Variants in EIF4G3 observed in about 807,000 individuals in gnomAD.
EIF4G3 encodes the protein eIF-4-gamma 3.
Under a neutral mutation model 186.4 loss-of-function variants are expected in EIF4G3, and 34 were observed. The observed-to-expected ratio is 0.18, with a 90% confidence interval of 0.14 to 0.24. The LOEUF is 0.24. Ranked by LOEUF, EIF4G3 falls within the 10% of genes least tolerant of loss-of-function variation. The pLI, the probability that EIF4G3 is intolerant of heterozygous loss-of-function variation, is 1.00. For missense variants in EIF4G3, 1,536 were observed against 1,948.5 expected (o/e 0.79, Z 3.99); for synonymous variants, 673 against 679.5 (o/e 0.99, Z 0.15).
At chr1:20,952,306 C>T (rs1473584152) in intron 12 of EIF4G3, among the ~76,000 whole-genome samples, 2 of 151,992 alleles carry the variant, frequency 1.3e-5, no homozygotes, top group African/African-American at 4.8e-5. Context: ...AGGTGTGCGC[C>T]ACCACACCCA....
chr1:21,009,422 C>A (rs2086296175), intron 4 of EIF4G3, among the ~76,000 whole-genome samples: 1 of 152,122 alleles, frequency 6.6e-6, no homozygotes, highest in South Asian at 2.1e-4. Flanking sequence ...TTCTAGCAAT[C>A]CTCCTGCCTC....
At chr1:20,957,406 T>C (rs2096457816) in intron 12 of EIF4G3, among the ~76,000 whole-genome samples, 1 of 151,674 alleles carries the variant, frequency 6.6e-6, no homozygotes, top group Admixed American at 6.6e-5. Context: ...GAGCAAAGTT[T>C]ACAGCACTAA....
chr1:20,829,242 G>A lies in EIF4G3; in HGVS notation c.4092C>T (p.Asp1364=). 1 of 1,613,816 alleles carries A rather than the reference G, an allele frequency of 6.2e-7. No homozygotes were observed. The highest frequency in any genetic ancestry group is 8.5e-7 in the Non-Finnish European group (1 of 1,179,860). ...AAATATGGGGAATATCAATGGCCAT[G>A]TCATCTGCCAATTCCAAAGTTTCTG... ...GFSETLELAD[D]MAIDIPHIWL... is the part of the protein sequence containing the mutation. The change falls in exon 31 of 37, where the codon GAC becomes GAT. Residue 1364 remains aspartate (D), a synonymous_variant. Transcript: ENST00000602326.
intron 2 of EIF4G3, among the ~76,000 whole-genome samples, chr1:21,163,506 G>A (rs988203897): frequency 4.6e-5 from 7 of 152,176 alleles, no homozygotes; most frequent in African/African-American, 1.7e-4. Flanking sequence ...TTGAGTAAGA[G>A]CTAAGCTGGA....
chr1:20,814,929 C>G (rs969367444), intron 34 of EIF4G3, among the ~76,000 whole-genome samples: 19 of 101,322 alleles, frequency 1.9e-4, no homozygotes, highest in African/African-American at 6.9e-4. Flanking sequence ...ATTGCAGGCG[C>G]GCGCTGCCAC....
chr1:20,844,195 T>C (rs2069818159), intron 29 of EIF4G3, among the ~76,000 whole-genome samples: 1 of 152,144 alleles, frequency 6.6e-6, no homozygotes, highest in African/African-American at 2.4e-5. Context: ...CTGGGTGAAA[T>C]GGTATTTCTG....
At chr1:20,833,326 A>G (rs2065839200) in intron 30 of EIF4G3, among the ~76,000 whole-genome samples, 1 of 152,228 alleles carries the variant, frequency 6.6e-6, no homozygotes, top group Non-Finnish European at 1.5e-5. Flanking sequence ...AGGTCCTTCA[A>G]GTCCCTTGTA....
chr1:21,107,265 C>G (rs1310599123), intron 2 of EIF4G3, among the ~76,000 whole-genome samples: 2 of 152,126 alleles, frequency 1.3e-5, no homozygotes, highest in African/African-American at 4.8e-5. Flanking sequence ...CAACCTCTGC[C>G]TCTTAATTCA....
rs200661801 is a variant in EIF4G3, at chr1:20,840,844, G to A, written c.4061+12C>T. ...CTAGTAACTGAATACCACTCTTGAA[G>A]AGGATACTGACCCTTTGAAAAAGTC... On this transcript the variant is annotated intron_variant, in intron 30 of 36. Transcript: ENST00000602326. The A allele has an allele frequency of 2.3e-5, 37 of 1,613,254 alleles. 1 individual carries two copies. In the East Asian group the frequency reaches 6.7e-4, roughly 29 times the overall value.
At chr1:21,174,618 G>A (rs2098064319) in intron 2 of EIF4G3, 1 of 152,158 alleles carries the variant, frequency 6.6e-6, no homozygotes, top group South Asian at 2.1e-4. Flanking sequence ...AGTAAGCAAA[G>A]ACAGGTTTAA....
At chr1:20,912,698 C>G (rs1383535671) in intron 14 of EIF4G3, among the ~76,000 whole-genome samples, 1 of 152,140 alleles carries the variant, frequency 6.6e-6, no homozygotes, top group Non-Finnish European at 1.5e-5. Flanking sequence ...GTTTTAATCC[C>G]TTCTCATCCA....
At position 20,881,935 on chromosome 1, in the gene EIF4G3, G is replaced by A. The variant is rs991741896; in HGVS notation, c.2425-2415C>T. On this transcript the variant is annotated intron_variant, in intron 19 of 36. Coordinates refer to ENST00000602326, the MANE Select transcript of EIF4G3 (RefSeq NM_001391906.1). Reference sequence around the variant, plus strand: ...CCCAGCTCTTTGGAAGGCAGAGGAGGGCAGATTGCTTGAGCTCAGGGGTTT... The same window carrying A: ...CCCAGCTCTTTGGAAGGCAGAGGAGAGCAGATTGCTTGAGCTCAGGGGTTT... 2.0e-5 allele frequency among the ~76,000 whole-genome samples: 3 copies of A among 152,036 alleles called. No individual in the cohort carries two copies. The South Asian group carries it at 6.2e-4, about 31-fold the overall frequency.
chr1:21,016,786 G>A (rs867956289), intron 4 of EIF4G3, among the ~76,000 whole-genome samples: 1 of 151,998 alleles, frequency 6.6e-6, no homozygotes, highest in African/African-American at 2.4e-5. Context: ...TGACCAATAC[G>A]GTGAAACTCC....
chr1:20,914,571 T>G (rs1467590156), intron 14 of EIF4G3, among the ~76,000 whole-genome samples: 2 of 152,214 alleles, frequency 1.3e-5, no homozygotes, highest in East Asian at 3.8e-4. Flanking sequence ...ATTTTGGACT[T>G]CTGACATCCA....
At chr1:21,078,821 C>T (rs551216132) in intron 3 of EIF4G3, among the ~76,000 whole-genome samples, 1 of 152,088 alleles carries the variant, frequency 6.6e-6, no homozygotes, top group South Asian at 2.1e-4. Context: ...CCCGTCTCTA[C>T]TAAAAATACA....
intron 2 of EIF4G3, among the ~76,000 whole-genome samples, chr1:21,138,261 C>T (rs1464490467): frequency 6.6e-6 from 1 of 152,116 alleles, no homozygotes; most frequent in Non-Finnish European, 1.5e-5. Context: ...AATCAGTCCC[C>T]GAAGCTAAAA....
At chr1:20,977,477 A>G (rs915443337) in intron 10 of EIF4G3, among the ~76,000 whole-genome samples, 4 of 152,176 alleles carry the variant, frequency 2.6e-5, no homozygotes, top group African/African-American at 9.6e-5. Context: ...ATGAGCCACC[A>G]CACCCGGCCT....
At position 21,154,318 on chromosome 1, in the gene EIF4G3, T is replaced by A. The variant is rs939600590; in HGVS notation, c.-272+21857A>T. Among the ~76,000 whole-genome samples, 104 of 152,206 alleles carry A rather than the reference T, an allele frequency of 6.8e-4. 2 individuals carry two copies. Among genetic ancestry groups the A allele is most frequent in the Admixed American group, 2.2e-3 (34 of 15,276 alleles). On this transcript the variant is annotated intron_variant, in intron 2 of 36. Transcript: ENST00000602326. ...AAGTAAGTCAAGGGCGTATTTTTTTTAATCACAAAATGCTATTAACTAAAG... is the reference window on the plus strand; with the variant it reads ...AAGTAAGTCAAGGGCGTATTTTTTTAAATCACAAAATGCTATTAACTAAAG...
At chr1:20,889,569 TC>T (rs2085301883) in intron 18 of EIF4G3, among the ~76,000 whole-genome samples, 1 of 152,166 alleles carries the variant, frequency 6.6e-6, no homozygotes, top group Non-Finnish European at 1.5e-5. Context: ...CGATCTCGGC[TC>T]ACTATAAGCT....
Sources: allele counts gnomAD v4.1 joint callset (sites outside exome capture counted in the v4.1 genomes callset), GRCh38; gene constraint gnomAD v4.1.1; transcripts MANE v1.5; gene names NCBI Gene and HGNC (gene_info 2026-07-23, HGNC 2026-07-21).